LINGO2: variants seen among roughly 807,000 people sequenced by gnomAD.
LINGO2 encodes leucine rich repeat and Ig domain containing 2, also known as leucine-rich repeat and immunoglobulin-like domain-containing nogo receptor-interacting protein 2.
In LINGO2, 14 loss-of-function variants were observed where a neutral mutation model predicts 30.6. That is an observed-to-expected ratio of 0.46 (90% CI 0.30 to 0.72). The LOEUF is 0.72. Ranked by LOEUF, LINGO2 falls within the 30% of genes least tolerant of loss-of-function variation. The probability of loss-of-function intolerance (pLI) is 0.07; values close to 1 mark genes in which losing one functional copy is unlikely to be tolerated. For missense variants in LINGO2, 729 were observed against 751.7 expected (o/e 0.97, Z 0.35); for synonymous variants, 317 against 288.5 (o/e 1.10, Z -1.00).
the LINGO2 span, among the ~76,000 whole-genome samples, chr9:28,757,737 C>A: frequency 6.6e-6 from 1 of 151,852 alleles, no homozygotes; most frequent in Non-Finnish European, 1.5e-5. Flanking sequence ...CCCCTGGAGT[C>A]CAGGGGTGGG....
chr9:28,744,312 T>C, the LINGO2 span, among the ~76,000 whole-genome samples: 1 of 152,006 alleles, frequency 6.6e-6, no homozygotes, highest in Admixed American at 6.6e-5. Flanking sequence ...ATTGAAGTCT[T>C]TGTCTACTAA....
chr9:28,057,310 A>G (rs1824973670), intron 4 of LINGO2, among the ~76,000 whole-genome samples: 1 of 151,846 alleles, frequency 6.6e-6, no homozygotes, highest in African/African-American at 2.4e-5. Context: ...GATTTCTCAG[A>G]ACCCTGTTTA....
At chr9:28,784,915 T>C in the LINGO2 span, among the ~76,000 whole-genome samples, 1 of 149,422 alleles carries the variant, frequency 6.7e-6, no homozygotes, top group African/African-American at 2.5e-5. Context: ...GCCACTGCAC[T>C]CCAGCCTGGC....
At position 28,202,519 on chromosome 9, in the gene LINGO2, A is replaced by G. The variant is rs138682888; in HGVS notation, c.-87+92689T>C. Among the ~76,000 whole-genome samples the G allele has an allele frequency of 3.9e-3, 589 of 152,246 alleles. 1 individual carries two copies. The highest frequency in any genetic ancestry group is 6.9e-3 in the Non-Finnish European group (470 of 68,002). On this transcript the variant is annotated intron_variant, in intron 4 of 5. Transcript: ENST00000379992. ...TCACTAATTAGTTTTTAGGGTGACA[A>G]TTCTTTCCTGGAGGTGGCTGTAATT... is the stretch of plus-strand genomic sequence containing the variant.
In LINGO2 at chr9:28,506,399, CATAT is replaced by C. The variant is rs371821368; in HGVS notation, c.-364-30378_-364-30375del. 2.0e-3 allele frequency among the ~76,000 whole-genome samples: 52 copies of C among 26,148 alleles called. 2 individuals are homozygous for C. The highest frequency in any genetic ancestry group is 0.01 in the Admixed American group (18 of 1,750). 17.2% of individuals were successfully genotyped at this position (26,148 alleles called of 152,430 possible). A position where few individuals can be genotyped will look rare whatever the true frequency, so the allele number is the denominator to read the frequency against. On this transcript the variant is annotated intron_variant, in intron 1 of 5. Transcript: ENST00000379992. ...TAGTTTTAATTGAGGGCTTCTTAGA[CATAT>C]ATATATATATATATATATACACACA...
At chr9:28,240,642 AC>A (rs1373900362) in intron 4 of LINGO2, among the ~76,000 whole-genome samples, 1 of 152,130 alleles carries the variant, frequency 6.6e-6, no homozygotes, top group Non-Finnish European at 1.5e-5. Flanking sequence ...AAAAATCAAA[AC>A]AAAATAGATT....
At chr9:28,956,682 TCTTC>T in the LINGO2 span, among the ~76,000 whole-genome samples, 1 of 92,014 alleles carries the variant, frequency 1.1e-5, no homozygotes, top group African/African-American at 4.4e-5. Flanking sequence ...TCCCTTCCTT[TCTTC>T]CTTCCTTCCT....
chr9:27,951,294 G>A (rs1322744243), intron 5 of LINGO2, among the ~76,000 whole-genome samples: 1 of 152,172 alleles, frequency 6.6e-6, no homozygotes, highest in South Asian at 2.1e-4. Flanking sequence ...TTTAATGTAC[G>A]CATCTTTCAT....
chr9:29,008,583 C>A, the LINGO2 span, among the ~76,000 whole-genome samples: 1 of 152,182 alleles, frequency 6.6e-6, no homozygotes, highest in African/African-American at 2.4e-5. Context: ...TCCTCTCCAG[C>A]ACCTGTTGTT....
chr9:28,667,985 G>A (rs753193376), intron 1 of LINGO2, among the ~76,000 whole-genome samples: 6 of 152,008 alleles, frequency 3.9e-5, no homozygotes, highest in Non-Finnish European at 8.8e-5. Context: ...CCTTCTCAAC[G>A]TGAACCTATG....
chr9:28,539,625 C>T (rs1489653249), intron 1 of LINGO2, among the ~76,000 whole-genome samples: 2 of 152,174 alleles, frequency 1.3e-5, no homozygotes, highest in Non-Finnish European at 2.9e-5. Flanking sequence ...ATTACAGGTA[C>T]TGTGACTCAT....
At chr9:28,661,871 T>C (rs1486654209) in intron 1 of LINGO2, among the ~76,000 whole-genome samples, 1 of 152,168 alleles carries the variant, frequency 6.6e-6, no homozygotes, top group Non-Finnish European at 1.5e-5. Context: ...CCCACAGTAT[T>C]CATGAGAACA....
chr9:28,258,893 C>A (rs1822470148), intron 4 of LINGO2, among the ~76,000 whole-genome samples: 1 of 149,702 alleles, frequency 6.7e-6, no homozygotes, highest in Non-Finnish European at 1.5e-5. Flanking sequence ...TCTGACTTTT[C>A]AAATGGTGCA....
At chr9:29,132,940 C>T in the LINGO2 span, among the ~76,000 whole-genome samples, 1 of 151,850 alleles carries the variant, frequency 6.6e-6, no homozygotes, top group Non-Finnish European at 1.5e-5. Flanking sequence ...AGGCTGAAGT[C>T]AAACTCCTGG....
chr9:28,556,799 A>T (rs908493728), intron 1 of LINGO2, among the ~76,000 whole-genome samples: 14 of 152,028 alleles, frequency 9.2e-5, no homozygotes, highest in Non-Finnish European at 1.9e-4. Flanking sequence ...CAAAACAGAG[A>T]TATAGATCAA....
the LINGO2 span, among the ~76,000 whole-genome samples, chr9:28,706,726 T>C: frequency 0.17 from 25,863 of 151,990 alleles, 3,344 homozygotes; most frequent in African/African-American, 0.36. Context: ...GACATGTAAC[T>C]ACTAGGCTAA....
chr9:28,178,269 G>C (rs1485348299), intron 4 of LINGO2, among the ~76,000 whole-genome samples: 2 of 152,140 alleles, frequency 1.3e-5, no homozygotes, highest in African/African-American at 4.8e-5. Context: ...AGAGACGGTA[G>C]CGTATACATT....
At chr9:28,048,730 G>A (rs1282285077) in intron 4 of LINGO2, among the ~76,000 whole-genome samples, 1 of 150,564 alleles carries the variant, frequency 6.6e-6, no homozygotes, top group African/African-American at 2.5e-5. Flanking sequence ...TAAAGGAAAA[G>A]ATTTAATAAA....
At chr9:28,821,516 C>T in the LINGO2 span, among the ~76,000 whole-genome samples, 4 of 152,312 alleles carry the variant, frequency 2.6e-5, no homozygotes, top group Non-Finnish European at 5.9e-5. Context: ...TAACCTCAGC[C>T]TTGGAACTAG....
Sources: allele counts gnomAD v4.1 joint callset (sites outside exome capture counted in the v4.1 genomes callset), GRCh38; gene constraint gnomAD v4.1.1; transcripts MANE v1.5; gene names NCBI Gene and HGNC (gene_info 2026-07-23, HGNC 2026-07-21).